The following SLC35F5 variants were observed in gnomAD, a reference collection of about 807,000 sequenced individuals.
SLC35F5 encodes HCV NS5A-transactivated protein 3.
In SLC35F5, 54 loss-of-function variants were observed where a neutral mutation model predicts 68.6. The ratio of observed to expected loss-of-function variants is 0.79; its 90% confidence interval spans 0.63 to 0.99. SLC35F5 has a LOEUF of 0.99. SLC35F5 is among the 50% of genes least tolerant of loss of function. The pLI, the probability that SLC35F5 is intolerant of heterozygous loss-of-function variation, is 0.00. For missense variants in SLC35F5, 567 were observed against 626.9 expected, an observed-to-expected ratio of 0.90 and a Z score of 1.02; for synonymous variants, 211 against 205.2, an observed-to-expected ratio of 1.03 and a Z score of -0.24.
chr2:113,739,795 C>T (rs1194716943), intron 7 of SLC35F5, among the ~76,000 whole-genome samples: 1 of 152,070 alleles, frequency 6.6e-6, no homozygotes, highest in South Asian at 2.1e-4. Flanking sequence ...TCTTGACTCC[C>T]CCAAAACGTA....
At chr2:113,719,449 A>T in intron 13 of SLC35F5, 141 bp from the exon 14 acceptor site, 2 of 635,958 alleles carry the variant, frequency 3.1e-6, no homozygotes, top group Non-Finnish European at 5.0e-6. Flanking sequence ...ACAATGTATT[A>T]AGTGTATTAT....
intron 6 of SLC35F5, among the ~76,000 whole-genome samples, chr2:113,743,114 T>C (rs1676351029): frequency 1.3e-5 from 2 of 152,210 alleles, no homozygotes; most frequent in Admixed American, 1.3e-4. Flanking sequence ...AGACCAATAT[T>C]CAAACAAGGT....
intron 13 of SLC35F5, 122 bp downstream of exon 13, chr2:113,722,982 G>A (rs1296505955): frequency 1.8e-6 from 1 of 558,410 alleles, no homozygotes; most frequent in Non-Finnish European, 2.9e-6. Flanking sequence ...AGCACCTTGG[G>A]AGAGAAAGCA....
Position 113,710,847 on chromosome 2 carries a change from C to T in SLC35F5, c.*4371G>A, listed in dbSNP as rs1208723005. Among the ~76,000 whole-genome samples, 1 of 151,874 alleles carries T rather than the reference C, an allele frequency of 6.6e-6. No individual in the cohort carries two copies. The highest frequency in any genetic ancestry group is 1.5e-5 in the Non-Finnish European group (1 of 67,972). ...AATCTTCTGCCTGCCTTCCAAGGAC[C>T]CACTGAAATTAATGGATACTCTCAC... On this transcript the variant is annotated 3_prime_UTR_variant, in exon 16 of 16. Coordinates refer to ENST00000245680, the MANE Select transcript of SLC35F5 (RefSeq NM_025181.5).
chr2:113,734,683 GA>G lies in SLC35F5; in HGVS notation c.833-11del. On this transcript the variant is annotated splice_polypyrimidine_tract_variant and intron_variant, in intron 8 of 15. Transcript: ENST00000245680. ...ATTAAGGTAAAAAGTCCTATGAGGA[GA>G]AAAGAATTTAAAAATGGTACATGAG... 1 of 1,539,066 alleles carries G rather than the reference GA, an allele frequency of 6.5e-7. No individual in the cohort carries two copies. The highest frequency in any genetic ancestry group is 8.9e-7 in the Non-Finnish European group (1 of 1,123,720).
In SLC35F5 at chr2:113,712,542, C is replaced by T. The variant is rs1022392891; in HGVS notation, c.*2676G>A. Among the ~76,000 whole-genome samples, 1 of 152,136 alleles carries T rather than the reference C, an allele frequency of 6.6e-6. No individual in the cohort carries two copies. Among genetic ancestry groups the T allele is most frequent in the Non-Finnish European group, 1.5e-5 (1 of 68,026 alleles). ...GTGTTAACCAGGATGGTCTCGATCT[C>T]CTGACCTCGTGATCCGCCCGCCTCG... On this transcript the variant is annotated 3_prime_UTR_variant, in exon 16 of 16. Coordinates refer to ENST00000245680, the MANE Select transcript of SLC35F5 (RefSeq NM_025181.5).
At chr2:113,729,703 CAGGA>C (rs1234595006) in intron 10 of SLC35F5, among the ~76,000 whole-genome samples, 198 bp from the exon 11 acceptor site, 1 of 152,090 alleles carries the variant, frequency 6.6e-6, no homozygotes, top group Non-Finnish European at 1.5e-5. Flanking sequence ...TCTAGGAGTA[CAGGA>C]AGGAGTTTAA....
At position 113,707,053 on chromosome 2, in the gene SLC35F5, A is replaced by T. The variant is rs1406581980; in HGVS notation, c.*8165T>A. Among the ~76,000 whole-genome samples the T allele has an allele frequency of 6.6e-6, 1 of 152,184 alleles. No individual in the cohort carries two copies. The highest frequency in any genetic ancestry group is 1.5e-5 in the Non-Finnish European group (1 of 68,022). ...GTGTTTAAATTTTAAATACTCTAGAATCTGAAAATATTAAATATTAAATAG... is the reference window on the plus strand; with the variant it reads ...GTGTTTAAATTTTAAATACTCTAGATTCTGAAAATATTAAATATTAAATAG... On this transcript the variant is annotated 3_prime_UTR_variant, in exon 16 of 16. Coordinates refer to ENST00000245680, the MANE Select transcript of SLC35F5 (RefSeq NM_025181.5).
In SLC35F5 at chr2:113,730,948, G is replaced by T. The variant is rs572898862; in HGVS notation, c.985+636C>A. On this transcript the variant is annotated intron_variant, in intron 10 of 15. Coordinates refer to ENST00000245680, the MANE Select transcript of SLC35F5 (RefSeq NM_025181.5). Reference sequence around the variant, plus strand: ...TGGGAAATATTAGTAACTTTACACTGGAGTAGGGTGGTTAATTTTAACCAC... The same window carrying T: ...TGGGAAATATTAGTAACTTTACACTTGAGTAGGGTGGTTAATTTTAACCAC... 5.3e-5 allele frequency among the ~76,000 whole-genome samples: 8 copies of T among 152,272 alleles called. No homozygotes were observed. The South Asian group carries it at 1.4e-3, about 28-fold the overall frequency.
In SLC35F5 at chr2:113,711,928, T is replaced by C. The variant is rs1263294588; in HGVS notation, c.*3290A>G. The stretch of plus-strand genomic sequence containing the variant: ...CATTTTATTTCTTCAACCAGCACAC[T>C]GAGGATTAGTGCTATGGGTATTACC... On this transcript the variant is annotated 3_prime_UTR_variant, in exon 16 of 16. Transcript: ENST00000245680. Among the ~76,000 whole-genome samples, 2 of 152,234 alleles carry C rather than the reference T, an allele frequency of 1.3e-5. No individual in the cohort carries two copies. Among genetic ancestry groups the C allele is most frequent in the Non-Finnish European group, 2.9e-5 (2 of 68,038 alleles).
At chr2:113,748,011 G>A (rs1332627998) in intron 4 of SLC35F5, among the ~76,000 whole-genome samples, 1 of 152,038 alleles carries the variant, frequency 6.6e-6, no homozygotes, top group Non-Finnish European at 1.5e-5. Flanking sequence ...AGAATCACTT[G>A]AACCCAGGAG....
chr2:113,719,362 T>C (rs2104975368), intron 13 of SLC35F5, 54 bp from the exon 14 acceptor site: 1 of 1,475,126 alleles, frequency 6.8e-7, no homozygotes, highest in East Asian at 2.4e-5. Context: ...TTAAGGCAAT[T>C]TTCCCCTTCA....
At chr2:113,722,849 CA>C (rs1156499348) in intron 13 of SLC35F5, among the ~76,000 whole-genome samples, 3 of 152,028 alleles carry the variant, frequency 2.0e-5, no homozygotes, top group Non-Finnish European at 4.4e-5. Context: ...AGAATCAGCT[CA>C]AAAACTGGAG....
chr2:113,755,755 G>T (rs1676957569), intron 1 of SLC35F5: 2 of 1,179,654 alleles, frequency 1.7e-6, no homozygotes, highest in African/African-American at 1.5e-5. Flanking sequence ...TACGGGGCGG[G>T]CAGGGAGGGG....
chr2:113,731,751 G>A, intron 9 of SLC35F5, 103 bp from the exon 10 acceptor site: 110 of 819,612 alleles, frequency 1.3e-4, no homozygotes, highest in South Asian at 3.7e-4. Context: ...CTCAACTTTG[G>A]GTAAAACTAT....
At chr2:113,755,732 G>C (rs1676955290) in intron 1 of SLC35F5, 188 bp from the exon 2 acceptor site, 2 of 1,069,040 alleles carry the variant, frequency 1.9e-6, no homozygotes, top group Middle Eastern at 2.0e-4. Context: ...ATTATACTTA[G>C]AGAGATACGC....
Position 113,750,415 on chromosome 2 carries a change from A to T in SLC35F5, c.417+10T>A. Reference sequence around the variant, plus strand: ...CCCTTCCTAACAGACAGTTAAAATTAAAAACTTACAAAAGCAGCATGCTTT... The same window carrying T: ...CCCTTCCTAACAGACAGTTAAAATTTAAAACTTACAAAAGCAGCATGCTTT... On this transcript the variant is annotated intron_variant, in intron 4 of 15. Coordinates refer to ENST00000245680, the MANE Select transcript of SLC35F5 (RefSeq NM_025181.5). The T allele has an allele frequency of 3.1e-6, 5 of 1,588,450 alleles. No homozygotes were observed. The South Asian group carries it at 4.6e-5, about 15-fold the overall frequency.
intron 4 of SLC35F5, among the ~76,000 whole-genome samples, chr2:113,747,162 C>A (rs1676525857): frequency 6.6e-6 from 1 of 151,814 alleles, no homozygotes. Flanking sequence ...GTGGCGCATG[C>A]CTGTAATTCC....
intron 7 of SLC35F5, among the ~76,000 whole-genome samples, chr2:113,737,886 A>G (rs543054208): frequency 6.6e-6 from 1 of 152,346 alleles, no homozygotes; most frequent in South Asian, 2.1e-4. Context: ...AGAGTTGAGG[A>G]TAACCATTTA....
Sources: allele counts gnomAD v4.1 joint callset (sites outside exome capture counted in the v4.1 genomes callset), GRCh38; gene constraint gnomAD v4.1.1; transcripts MANE v1.5; gene names NCBI Gene and HGNC (gene_info 2026-07-23, HGNC 2026-07-21).